The following SLC1A1 variants were observed in gnomAD, a reference collection of about 807,000 sequenced individuals.
SLC1A1 encodes the protein excitatory amino acid transporter 3.
Under a neutral mutation model 53.3 loss-of-function variants are expected in SLC1A1, and 43 were observed. That is an observed-to-expected ratio of 0.81 (90% CI 0.63 to 1.04). SLC1A1 has a LOEUF of 1.04. SLC1A1 is among the 50% of genes least tolerant of loss of function. SLC1A1 has a pLI of 0.00. For missense variants in SLC1A1, 748 were observed against 664.9 expected (o/e 1.12, Z -1.37); for synonymous variants, 307 against 243.2 (o/e 1.26, Z -2.44).
chr9:4,530,310 A>G (rs1476459817), intron 1 of SLC1A1, among the ~76,000 whole-genome samples: 5 of 152,146 alleles, frequency 3.3e-5, no homozygotes, highest in African/African-American at 1.2e-4. Flanking sequence ...TCCAATATGG[A>G]CCACTAATTA....
chr9:4,580,583 G>GAA (rs779115391), intron 10 of SLC1A1, among the ~76,000 whole-genome samples: 7 of 121,466 alleles, frequency 5.8e-5, no homozygotes, highest in Admixed American at 2.5e-4. Flanking sequence ...CTTGTCTCTG[G>GAA]AAAAAAAAAA....
chr9:4,491,129 C>G lies in SLC1A1; in HGVS notation c.91+359C>G, dbSNP rs142351650. ...TTGTTAATCCCGCACCGTATCTCCC[C>G]CTATCACCGCCACCTTCCTCACCCC... On this transcript the variant is annotated intron_variant, in intron 1 of 11. Coordinates refer to ENST00000262352, the MANE Select transcript of SLC1A1 (RefSeq NM_004170.6). 7.4e-4 allele frequency among the ~76,000 whole-genome samples: 112 copies of G among 152,338 alleles called. No homozygotes were observed. In the East Asian group the frequency reaches 0.016, roughly 22 times the overall value.
At chr9:4,494,704 T>C (rs144803501) in intron 1 of SLC1A1, among the ~76,000 whole-genome samples, 362 of 152,048 alleles carry the variant, frequency 2.4e-3, no homozygotes, top group African/African-American at 8.1e-3. Context: ...GAAGGTTTTA[T>C]GCTCTAAGTG....
At chr9:4,571,979 G>T in intron 6 of SLC1A1, among the ~76,000 whole-genome samples, 1 of 152,158 alleles carries the variant, frequency 6.6e-6, no homozygotes. Flanking sequence ...ATATGGACTT[G>T]TTGAAAGAAG....
At chr9:4,547,022 C>A (rs865807742) in intron 2 of SLC1A1, among the ~76,000 whole-genome samples, 2 of 152,188 alleles carry the variant, frequency 1.3e-5, no homozygotes, top group African/African-American at 4.8e-5. Context: ...CGAGGTAAAA[C>A]AGGTTTTAGA....
At chr9:4,538,954 A>G (rs981741407) in intron 1 of SLC1A1, among the ~76,000 whole-genome samples, 3 of 152,288 alleles carry the variant, frequency 2.0e-5, no homozygotes, top group Non-Finnish European at 4.4e-5. Context: ...AAAAAGACAC[A>G]TAATTAATTT....
At chr9:4,581,488 C>T (rs1228455753) in intron 10 of SLC1A1, among the ~76,000 whole-genome samples, 4 of 152,200 alleles carry the variant, frequency 2.6e-5, no homozygotes, top group Non-Finnish European at 5.9e-5. Context: ...TTTTCTTTGA[C>T]TAAATGAATT....
intron 1 of SLC1A1, among the ~76,000 whole-genome samples, chr9:4,495,112 T>C (rs1186669206): frequency 2.0e-5 from 3 of 152,180 alleles, no homozygotes; most frequent in Non-Finnish European, 4.4e-5. Context: ...ACCCTGGAGC[T>C]CATGTAGCGT....
At chr9:4,555,573 C>T (rs3780415) in intron 2 of SLC1A1, among the ~76,000 whole-genome samples, 73,927 of 152,076 alleles carry the variant, frequency 0.49, 21,491 homozygotes, top group East Asian at 0.84. Context: ...AAATAAATGC[C>T]TTTACCTAAA....
rs114917927 is a variant in SLC1A1, at chr9:4,520,274, G to A, written c.92-24293G>A. Among the ~76,000 whole-genome samples the A allele has an allele frequency of 5.2e-3, 797 of 152,234 alleles. 6 individuals carry two copies. Among genetic ancestry groups the A allele is most frequent in the African/African-American group, 0.018 (767 of 41,528 alleles). On this transcript the variant is annotated intron_variant, in intron 1 of 11. Transcript: ENST00000262352. The stretch of plus-strand genomic sequence containing the variant: ...AAATGTCACATCTTTGGCAATATTT[G>A]TGCTATTAGTATGATGATTAAAGGA...
At chr9:4,571,471 T>C (rs1820040109) in intron 6 of SLC1A1, among the ~76,000 whole-genome samples, 1 of 151,938 alleles carries the variant, frequency 6.6e-6, no homozygotes, top group South Asian at 2.1e-4. Flanking sequence ...AGGTCAGGAG[T>C]TCGAGACCAC....
intron 1 of SLC1A1, among the ~76,000 whole-genome samples, chr9:4,532,234 G>A (rs1214126119): frequency 2.0e-5 from 3 of 152,160 alleles, no homozygotes; most frequent in African/African-American, 4.8e-5. Flanking sequence ...CGAGTTGAGA[G>A]AAGAAGGCTT....
chr9:4,572,974 G>A lies in SLC1A1; in HGVS notation c.767+586G>A, dbSNP rs186882319. On this transcript the variant is annotated intron_variant, in intron 7 of 11. Coordinates refer to ENST00000262352, the MANE Select transcript of SLC1A1 (RefSeq NM_004170.6). ...ATCATCTTGCACTCAACCAGCCTTC[G>A]TGTAAGAAGTAATTCTTTAAAAAAT... 1.6e-3 allele frequency among the ~76,000 whole-genome samples: 237 copies of A among 152,280 alleles called. 1 individual carries two copies. The highest frequency in any genetic ancestry group is 0.014 in the Admixed American group (217 of 15,308).
chr9:4,521,243 A>AT (rs1203941399), intron 1 of SLC1A1, among the ~76,000 whole-genome samples: 5 of 152,024 alleles, frequency 3.3e-5, no homozygotes, highest in African/African-American at 9.7e-5. Context: ...AAAATTTTTA[A>AT]TTTTTTTCTG....
chr9:4,519,018 G>A (rs1353462479), intron 1 of SLC1A1, among the ~76,000 whole-genome samples: 1 of 152,120 alleles, frequency 6.6e-6, no homozygotes, highest in African/African-American at 2.4e-5. Flanking sequence ...GTCTGCCTTA[G>A]GGTCTCCAAC....
intron 1 of SLC1A1, among the ~76,000 whole-genome samples, chr9:4,515,048 C>T (rs193140830): frequency 6.6e-6 from 1 of 151,792 alleles, no homozygotes; most frequent in African/African-American, 2.4e-5. Flanking sequence ...TCTCTCTCTC[C>T]CCCAACCCCC....
Position 4,544,057 on chromosome 9 carries a change from T to C in SLC1A1, c.92-510T>C, listed in dbSNP as rs534156870. Among the ~76,000 whole-genome samples, 4 of 152,162 alleles carry C rather than the reference T, an allele frequency of 2.6e-5. No homozygotes were observed. In the South Asian group the frequency reaches 8.3e-4, roughly 32 times the overall value. On this transcript the variant is annotated intron_variant, in intron 1 of 11. Coordinates refer to ENST00000262352, the MANE Select transcript of SLC1A1 (RefSeq NM_004170.6). ...GCTGGACATGGTGGTGCGCATATAG[T>C]CCTAGCTACTCGGGAGGCTGAGGTG...
intron 2 of SLC1A1, among the ~76,000 whole-genome samples, chr9:4,558,340 T>C (rs576808244): frequency 2.2e-3 from 330 of 152,310 alleles, no homozygotes; most frequent in Non-Finnish European, 3.1e-3. Flanking sequence ...GTGGTAACTA[T>C]ACAGAGGTAG....
rs34199207 is a variant in SLC1A1 at position 4,492,479 on chromosome 9, CAAA to C, written c.91+1726_91+1728del. 9.4e-3 allele frequency among the ~76,000 whole-genome samples: 909 copies of C among 96,304 alleles called. 17 individuals are homozygous for C. The highest frequency in any genetic ancestry group is 0.033 in the African/African-American group (833 of 25,102). 63.2% of individuals were successfully genotyped at this position (96,304 alleles called of 152,430 possible). ...CCTGGGTGACAGAGCAAGAATCCAC[CAAA>C]AAAAAAAAAAAAAAAAGGAAAAGGA... On this transcript the variant is annotated intron_variant, in intron 1 of 11. Transcript: ENST00000262352.
Sources: allele counts gnomAD v4.1 joint callset (sites outside exome capture counted in the v4.1 genomes callset), GRCh38; gene constraint gnomAD v4.1.1; transcripts MANE v1.5; gene names NCBI Gene and HGNC (gene_info 2026-07-23, HGNC 2026-07-21).